The following CHODL variants were observed in gnomAD, a reference collection of about 807,000 sequenced individuals.
CHODL encodes transmembrane protein MT75.
A neutral mutation model predicts 34.5 loss-of-function variants in CHODL; 29 were observed. The observed-to-expected ratio is 0.84, with a 90% confidence interval of 0.63 to 1.15. The LOEUF (loss-of-function observed/expected upper bound fraction) is 1.15, where lower values mean the gene tolerates loss of function less well. CHODL is among the 50% of genes most tolerant of loss of function. The pLI, the probability that CHODL is intolerant of heterozygous loss-of-function variation, is 0.00. For synonymous variants in CHODL, 125 were observed against 116.1 expected (o/e 1.08, Z -0.49); for missense variants, 332 against 332.5 (o/e 1.00, Z 0.01).
intron 2 of CHODL, among the ~76,000 whole-genome samples, chr21:18,044,622 C>G (rs1192810133): frequency 4.0e-5 from 6 of 151,892 alleles, no homozygotes; most frequent in Non-Finnish European, 8.8e-5. Context: ...ATAATCTTCT[C>G]TCTTTTGGTA....
chr21:18,078,721 A>G (rs958203832), intron 2 of CHODL, among the ~76,000 whole-genome samples: 2 of 152,090 alleles, frequency 1.3e-5, no homozygotes, highest in Non-Finnish European at 2.9e-5. Flanking sequence ...TTTACTACAT[A>G]TTACTTGCTT....
intron 1 of CHODL, among the ~76,000 whole-genome samples, chr21:18,005,853 G>A (rs1043816618): frequency 2.0e-5 from 3 of 152,136 alleles, no homozygotes; most frequent in Non-Finnish European, 2.9e-5. Context: ...GAGAGCATCA[G>A]GCAGAATAGC....
intron 2 of CHODL, among the ~76,000 whole-genome samples, chr21:18,121,547 T>C (rs960475139): frequency 6.6e-6 from 1 of 152,168 alleles, no homozygotes; most frequent in African/African-American, 2.4e-5. Flanking sequence ...TCCTCACTCA[T>C]CTTCATTTCA....
intron 2 of CHODL, among the ~76,000 whole-genome samples, chr21:18,113,348 G>GT (rs36094590): frequency 0.81 from 123,278 of 152,086 alleles, 50,202 homozygotes; most frequent in East Asian, 0.91. Context: ...CAGTCTGGGG[G>GT]ACCTCAAAAA....
intron 2 of CHODL, among the ~76,000 whole-genome samples, chr21:18,192,231 T>C (rs1234233547): frequency 6.6e-6 from 1 of 152,162 alleles, no homozygotes; most frequent in Non-Finnish European, 1.5e-5. Context: ...CAGTATGAGA[T>C]ATACTGATCT....
At chr21:17,964,916 T>A (rs897831367) in intron 1 of CHODL, among the ~76,000 whole-genome samples, 9 of 152,198 alleles carry the variant, frequency 5.9e-5, no homozygotes, top group Admixed American at 1.3e-4. Flanking sequence ...TCCTGTTTAG[T>A]ACTTTCCTTT....
intron 1 of CHODL, among the ~76,000 whole-genome samples, chr21:17,997,657 T>C (rs1332310604): frequency 6.6e-6 from 1 of 152,152 alleles, no homozygotes; most frequent in Non-Finnish European, 1.5e-5. Flanking sequence ...GAAAGGCACT[T>C]CTTACATGGT....
At chr21:18,136,063 C>T (rs568832682) in intron 2 of CHODL, among the ~76,000 whole-genome samples, 1 of 144,000 alleles carries the variant, frequency 6.9e-6, no homozygotes, top group Non-Finnish European at 1.5e-5. Flanking sequence ...GCTGAGCTTG[C>T]GCCACTGAAC....
At chr21:18,121,473 A>G (rs1264771630) in intron 2 of CHODL, among the ~76,000 whole-genome samples, 2 of 152,300 alleles carry the variant, frequency 1.3e-5, no homozygotes, top group East Asian at 3.9e-4. Flanking sequence ...ATTTCTATTT[A>G]GATATCAAAG....
In CHODL at chr21:18,189,022, C is replaced by T. The variant is rs113601500; in HGVS notation, c.-44-67487C>T. On this transcript the variant is annotated intron_variant, in intron 2 of 6. Coordinates refer to the CHODL transcript ENST00000400127. ...GTATAAGGTTGCAATAGCCCTTGTG[C>T]GCAATAATGGTTTTTGCAAAGTCAT... Among the ~76,000 whole-genome samples, 8 of 152,224 alleles carry T rather than the reference C, an allele frequency of 5.3e-5. No homozygotes were observed. In the East Asian group the frequency reaches 5.8e-4, roughly 11 times the overall value.
intron 2 of CHODL, among the ~76,000 whole-genome samples, chr21:18,086,336 T>G (rs1386686151): frequency 1.3e-5 from 2 of 152,128 alleles, no homozygotes; most frequent in African/African-American, 4.8e-5. Context: ...ATATTTTAAA[T>G]TTTTATCTGG....
intron 2 of CHODL, among the ~76,000 whole-genome samples, chr21:18,230,134 T>A (rs2073965776): frequency 6.6e-6 from 1 of 152,140 alleles, no homozygotes; most frequent in Non-Finnish European, 1.5e-5. Context: ...AGAAAACTGT[T>A]ACCGTTAAAA....
In CHODL at chr21:18,152,005, TG is replaced by T. The variant is rs1442564520; in HGVS notation, c.-44-104503del. Among the ~76,000 whole-genome samples the T allele has an allele frequency of 2.0e-5, 3 of 151,666 alleles. No individual in the cohort carries two copies. In the East Asian group the frequency reaches 5.8e-4, roughly 29 times the overall value. ...ATATAACTCTGTGTGTGTGTGTGTG[TG>T]TGTGTGTGTGTGTGTGTGTTTGTGT... On this transcript the variant is annotated intron_variant, in intron 2 of 6. Coordinates refer to the CHODL transcript ENST00000400127.
intron 2 of CHODL, among the ~76,000 whole-genome samples, chr21:18,186,217 T>G (rs2073439518): frequency 1.3e-5 from 2 of 152,210 alleles, no homozygotes; most frequent in South Asian, 2.1e-4. Context: ...TTACTTTTAG[T>G]TTTTGCAAAA....
intron 1 of CHODL, among the ~76,000 whole-genome samples, chr21:17,960,611 C>T (rs1213593194): frequency 6.6e-6 from 1 of 152,204 alleles, no homozygotes; most frequent in Non-Finnish European, 1.5e-5. Context: ...TCATTCCTGT[C>T]TCCTTCACCA....
At chr21:18,117,461 T>C (rs2065426316) in intron 2 of CHODL, among the ~76,000 whole-genome samples, 1 of 152,212 alleles carries the variant, frequency 6.6e-6, no homozygotes, top group Non-Finnish European at 1.5e-5. Context: ...CAGAGGCTTC[T>C]CCTGCCTCCT....
At chr21:17,992,607 TA>T (rs1467398584) in intron 1 of CHODL, among the ~76,000 whole-genome samples, 1 of 152,094 alleles carries the variant, frequency 6.6e-6, no homozygotes, top group African/African-American at 2.4e-5. Flanking sequence ...TGTCTTTTTT[TA>T]GATAGTTTGC....
intron 2 of CHODL, among the ~76,000 whole-genome samples, chr21:18,166,441 A>G (rs2073154338): frequency 6.6e-6 from 1 of 152,162 alleles, no homozygotes; most frequent in Non-Finnish European, 1.5e-5. Context: ...ACCCCTTATC[A>G]TTACAGGTTT....
intron 2 of CHODL, among the ~76,000 whole-genome samples, chr21:18,058,483 G>T (rs1365942597): frequency 9.8e-6 from 1 of 102,412 alleles, no homozygotes; most frequent in Non-Finnish European, 2.6e-5. Context: ...TAAAGAAAAT[G>T]TGGCATATAT....
Sources: gnomAD v4.1 joint callset for allele counts (sites outside exome capture counted in the v4.1 genomes callset) on GRCh38, gnomAD v4.1.1 for gene constraint, MANE v1.5 for transcripts, NCBI Gene and HGNC (gene_info 2026-07-23, HGNC 2026-07-21) for gene names.